RFTN1: variants seen among roughly 807,000 people sequenced by gnomAD.
RFTN1 encodes the protein raftlin.
RFTN1 carries 26 observed loss-of-function variants against 46.5 expected under a neutral mutation model. The ratio of observed to expected loss-of-function variants is 0.56; its 90% CI spans 0.41 to 0.78. RFTN1 has a LOEUF of 0.78. RFTN1 is among the 30% of genes least tolerant of loss of function. The pLI, the probability that RFTN1 is intolerant of heterozygous loss-of-function variation, is 0.00. For missense variants in RFTN1, 693 were observed against 718.7 expected (o/e 0.96, Z 0.41); for synonymous variants, 261 against 284.2 (o/e 0.92, Z 0.82).
rs113487620 is a variant in RFTN1 at position 16,430,383 on chromosome 3, A to T, written c.332+3468T>A. Among the ~76,000 whole-genome samples, 162 of 152,268 alleles carry T rather than the reference A, an allele frequency of 1.1e-3. 2 individuals are homozygous for T. Among genetic ancestry groups the T allele is most frequent in the African/African-American group, 3.6e-3 (149 of 41,542 alleles). On this transcript the variant is annotated intron_variant, in intron 3 of 9. Coordinates refer to ENST00000334133, the MANE Select transcript of RFTN1 (RefSeq NM_015150.2). ...TGCCTTGGTCTCCCAAAGTGCTGGGATTATAGGTGTGAGCCACTGCACCTG... is the reference window on the plus strand; with the variant it reads ...TGCCTTGGTCTCCCAAAGTGCTGGGTTTATAGGTGTGAGCCACTGCACCTG...
intron 1 of RFTN1, among the ~76,000 whole-genome samples, chr3:16,502,688 C>T (rs1192970317): frequency 6.6e-6 from 1 of 152,240 alleles, no homozygotes; most frequent in Non-Finnish European, 1.5e-5. Context: ...TGCAGGGCAA[C>T]GAGGCCTCCT....
rs1409183194 is a variant in RFTN1 at position 16,499,449 on chromosome 3, C to T, written c.-8-5572G>A. 1.3e-5 allele frequency among the ~76,000 whole-genome samples: 2 copies of T among 152,178 alleles called. No homozygotes were observed. Among genetic ancestry groups the T allele is most frequent in the Non-Finnish European group, 2.9e-5 (2 of 68,028 alleles). ...AAGCTCAAGTAGCCCCAAAGAGGGG[C>T]CCATGTGGAGAGGAACCGACAGCCA... On this transcript the variant is annotated intron_variant, in intron 1 of 9. Transcript: ENST00000334133. The surrounding 1 kb of genome is among the most constrained non-coding windows in gnomAD (Gnocchi z 4.9).
rs1559384526 is a variant in RFTN1, at chr3:16,512,370, T to C, written c.-9+1072A>G. 6.6e-6 allele frequency among the ~76,000 whole-genome samples: 1 copy of C among 151,792 alleles called. No individual in the cohort carries two copies. The highest frequency in any genetic ancestry group is 1.5e-5 in the Non-Finnish European group (1 of 68,000). On this transcript the variant is annotated intron_variant, in intron 1 of 9. Coordinates refer to ENST00000334133, the MANE Select transcript of RFTN1 (RefSeq NM_015150.2). This position sits in a 1 kb window ranked among gnomAD's most constrained non-coding sequence, Gnocchi z 4.3. ...TACCGACTACAAGGGTTCCAGCACA[T>C]GAGTTGCTGGAAACTGGGGTGACCA... is the stretch of plus-strand genomic sequence containing the variant.
chr3:16,359,940 A>T lies in RFTN1; in HGVS notation c.1031-1893T>A, dbSNP rs1201712663. On this transcript the variant is annotated intron_variant, in intron 6 of 9. Transcript: ENST00000334133. The stretch of plus-strand genomic sequence containing the variant: ...GAAAAAGACTGACAAATGTGAATAT[A>T]TAACAATCTTTAGCTTTGGCTCCCA... 3.3e-5 allele frequency among the ~76,000 whole-genome samples: 5 copies of T among 152,184 alleles called. No homozygotes were observed. The East Asian group carries it at 9.6e-4, about 29-fold the overall frequency.
Position 16,407,989 on chromosome 3 carries a change from G to A in RFTN1, c.441+1386C>T, listed in dbSNP as rs2074899318. Among the ~76,000 whole-genome samples, 1 of 152,108 alleles carries A rather than the reference G, an allele frequency of 6.6e-6. No individual in the cohort carries two copies. ...AATACATGTTGAAGGGAGGGTGGCA[G>A]CAAGGAAACAAATCTCCTTTAAAGG... On this transcript the variant is annotated intron_variant, in intron 4 of 9. Coordinates refer to ENST00000334133, the MANE Select transcript of RFTN1 (RefSeq NM_015150.2). This position sits in a 1 kb window ranked among gnomAD's most constrained non-coding sequence, Gnocchi z 4.0.
At position 16,353,597 on chromosome 3, in the gene RFTN1, A is replaced by G. The variant is rs754769600; in HGVS notation, c.1146+4335T>C. 6.6e-5 allele frequency among the ~76,000 whole-genome samples: 10 copies of G among 152,306 alleles called. No individual in the cohort carries two copies. Among genetic ancestry groups the G allele is most frequent in the Admixed American group, 2.0e-4 (3 of 15,302 alleles). On this transcript the variant is annotated intron_variant, in intron 7 of 9. Coordinates refer to ENST00000334133, the MANE Select transcript of RFTN1 (RefSeq NM_015150.2). This position sits in a 1 kb window ranked among gnomAD's most constrained non-coding sequence, Gnocchi z 5.4. Reference sequence around the variant, plus strand: ...GACTAAATGTTTTCTATCCTCCCACAATGCGTATGTTGAGGCTCCAAGCCC... The same window carrying G: ...GACTAAATGTTTTCTATCCTCCCACGATGCGTATGTTGAGGCTCCAAGCCC...
chr3:16,393,092 C>T (rs2074388263), intron 4 of RFTN1, among the ~76,000 whole-genome samples: 1 of 151,898 alleles, frequency 6.6e-6, no homozygotes, highest in Non-Finnish European at 1.5e-5. Flanking sequence ...TGACAAGAAA[C>T]AATACACACA....
chr3:16,401,321 T>TAAA (rs56312811), intron 4 of RFTN1, among the ~76,000 whole-genome samples: 1 of 145,412 alleles, frequency 6.9e-6, no homozygotes, highest in Non-Finnish European at 1.5e-5. Context: ...GAAGCCGTGT[T>TAAA]AAAAAAAAAA....
rs1440185707 is a variant in RFTN1 at position 16,500,459 on chromosome 3, T to G, written c.-8-6582A>C. ...GAAATGGAAGAGGTCTTTCCCCATTTCTATGGTGAAACAGTGGGGAAATAA... is the reference window on the plus strand; with the variant it reads ...GAAATGGAAGAGGTCTTTCCCCATTGCTATGGTGAAACAGTGGGGAAATAA... On this transcript the variant is annotated intron_variant, in intron 1 of 9. Transcript: ENST00000334133. The surrounding 1 kb of genome is among the most constrained non-coding windows in gnomAD (Gnocchi z 5.9). Among the ~76,000 whole-genome samples the G allele has an allele frequency of 1.3e-5, 2 of 152,198 alleles. No individual in the cohort carries two copies. The highest frequency in any genetic ancestry group is 2.9e-5 in the Non-Finnish European group (2 of 68,040).
At chr3:16,318,956 G>A (rs2068734580) in intron 9 of RFTN1, among the ~76,000 whole-genome samples, 1 of 152,158 alleles carries the variant, frequency 6.6e-6, no homozygotes, top group African/African-American at 2.4e-5. Flanking sequence ...TGCCAGGCAG[G>A]CATCTCGAGG....
rs1007086395 is a variant in RFTN1, at chr3:16,348,499, C to T, written c.1146+9433G>A. On this transcript the variant is annotated intron_variant, in intron 7 of 9. Coordinates refer to ENST00000334133, the MANE Select transcript of RFTN1 (RefSeq NM_015150.2). This position sits in a 1 kb window ranked among gnomAD's most constrained non-coding sequence, Gnocchi z 6.3. ...TGACTTGCCAATACCCAGCTGGAGC[C>T]CACTGTGTCCAGGAGGCCTTGTTCA... Among the ~76,000 whole-genome samples the T allele has an allele frequency of 1.7e-4, 26 of 152,286 alleles. No homozygotes were observed. The highest frequency in any genetic ancestry group is 6.0e-4 in the African/African-American group (25 of 41,572).
At position 16,481,234 on chromosome 3, in the gene RFTN1, C is replaced by T. The variant is rs932205056; in HGVS notation, c.145+12491G>A. Reference sequence around the variant, plus strand: ...CACTAACGCTAATAGCAGACTTGGTCGCAACATCAAAAGCAACAATACCAA... The same window carrying T: ...CACTAACGCTAATAGCAGACTTGGTTGCAACATCAAAAGCAACAATACCAA... On this transcript the variant is annotated intron_variant, in intron 2 of 9. Transcript: ENST00000334133. The surrounding 1 kb of genome is among the most constrained non-coding windows in gnomAD (Gnocchi z 5.1). 2.6e-5 allele frequency among the ~76,000 whole-genome samples: 4 copies of T among 152,108 alleles called. No individual in the cohort carries two copies. Among genetic ancestry groups the T allele is most frequent in the Non-Finnish European group, 4.4e-5 (3 of 68,024 alleles).
rs922365772 is a variant in RFTN1 at position 16,325,081 on chromosome 3, A to G, written c.1251-1624T>C. 1.4e-4 allele frequency among the ~76,000 whole-genome samples: 21 copies of G among 152,210 alleles called. 1 individual carries two copies. The highest frequency in any genetic ancestry group is 1.5e-5 in the Non-Finnish European group (1 of 68,034). ...TGTAAATTTCTTTACATGTTACTGC[A>G]TTCAGCTACAAAGTCTGTAAGAAAA... On this transcript the variant is annotated intron_variant, in intron 8 of 9. Coordinates refer to ENST00000334133, the MANE Select transcript of RFTN1 (RefSeq NM_015150.2).
chr3:16,448,890 T>C lies in RFTN1; in HGVS notation c.146-14853A>G, dbSNP rs764571533. 6.6e-6 allele frequency among the ~76,000 whole-genome samples: 1 copy of C among 152,230 alleles called. No homozygotes were observed. The highest frequency in any genetic ancestry group is 1.5e-5 in the Non-Finnish European group (1 of 68,042). On this transcript the variant is annotated intron_variant, in intron 2 of 9. Transcript: ENST00000334133. This position sits in a 1 kb window ranked among gnomAD's most constrained non-coding sequence, Gnocchi z 4.1. Reference sequence around the variant, plus strand: ...GCCGGCATCCCACAGAGATTATTCATAGCAGAAATATCAATAGACAGTAGG... The same window carrying C: ...GCCGGCATCCCACAGAGATTATTCACAGCAGAAATATCAATAGACAGTAGG...
chr3:16,316,179 T>G lies in RFTN1; in HGVS notation c.*649A>C, dbSNP rs766540078. 1 of 153,772 alleles carries G rather than the reference T, an allele frequency of 6.5e-6. No homozygotes were observed. The highest frequency in any genetic ancestry group is 2.4e-5 in the African/African-American group (1 of 41,462). 9.5% of individuals were successfully genotyped at this position (153,772 alleles called of 1,614,324 possible). ...TTTTGGCATTAATACTAACACAGAA[T>G]ACTTCCTTGAACATTCTGCAAAAGT... On this transcript the variant is annotated 3_prime_UTR_variant, in exon 10 of 10. Transcript: ENST00000334133. The surrounding 1 kb of genome is among the most constrained non-coding windows in gnomAD (Gnocchi z 4.5).
chr3:16,347,206 G>A (rs563037269), intron 7 of RFTN1, among the ~76,000 whole-genome samples: 2 of 152,258 alleles, frequency 1.3e-5, no homozygotes, highest in African/African-American at 4.8e-5. Context: ...TCACCCACAC[G>A]GTCTTCCCCA....
intron 8 of RFTN1, 101 bp from the exon 9 acceptor site, chr3:16,323,558 C>T: frequency 7.4e-6 from 6 of 806,008 alleles, no homozygotes; most frequent in South Asian, 3.1e-5. Context: ...GCAGACCACC[C>T]ACAGGATTAT....
chr3:16,403,844 A>AT (rs2074701486), intron 4 of RFTN1, among the ~76,000 whole-genome samples: 1 of 8,696 alleles, frequency 1.1e-4, no homozygotes, highest in African/African-American at 6.9e-4. Context: ...AATATAATAT[A>AT]ATATATATTT....
chr3:16,354,330 AC>A (rs2072288016), intron 7 of RFTN1, among the ~76,000 whole-genome samples: 1 of 152,192 alleles, frequency 6.6e-6, no homozygotes, highest in Non-Finnish European at 1.5e-5. Flanking sequence ...AGGAAAAGAA[AC>A]CCATAAACCA....
Sources: gnomAD v4.1 joint callset for allele counts (sites outside exome capture counted in the v4.1 genomes callset) on GRCh38, gnomAD v4.1.1 for gene constraint, Gnocchi (gnomAD v3.1) non-coding constraint, MANE v1.5 for transcripts, NCBI Gene and HGNC (gene_info 2026-07-23, HGNC 2026-07-21) for gene names.